The following CPLX2 variants were observed in gnomAD, a reference collection of about 807,000 sequenced individuals.
CPLX2 encodes the protein complexin-2.
Under a neutral mutation model 16.3 loss-of-function variants are expected in CPLX2, and 5 were observed. The ratio of observed to expected loss-of-function variants is 0.31; its 90% CI spans 0.16 to 0.64. The LOEUF is 0.64. CPLX2 is among the 30% of genes least tolerant of loss of function. The pLI is 0.79. For missense variants in CPLX2, 144 were observed against 181.4 expected, an observed-to-expected ratio of 0.79 and a Z score of 1.18; for synonymous variants, 89 against 73.2, an observed-to-expected ratio of 1.22 and a Z score of -1.10.
intron 2 of CPLX2, among the ~76,000 whole-genome samples, chr5:175,858,799 A>G (rs1337041281): frequency 6.6e-6 from 1 of 152,198 alleles, no homozygotes; most frequent in Non-Finnish European, 1.5e-5. Flanking sequence ...CCCTGCCAGT[A>G]CCTCTTTGAT....
chr5:175,832,478 C>G (rs1290885652), intron 2 of CPLX2, among the ~76,000 whole-genome samples: 1 of 152,214 alleles, frequency 6.6e-6, no homozygotes, highest in Non-Finnish European at 1.5e-5. Context: ...CAACCAGAAA[C>G]ATGGGCGTTG....
At position 175,802,823 on chromosome 5, in the gene CPLX2, C is replaced by CT. The variant is rs371097712; in HGVS notation, c.-169+6048dup. On this transcript the variant is annotated intron_variant, in intron 1 of 4. Transcript: ENST00000359546. ...ACAAATGTGCTTCCTTCCTTCCTTT[C>CT]TTTTTTTTTATTTTCCTTTTTTTTT... Among the ~76,000 whole-genome samples, 572 of 151,512 alleles carry CT rather than the reference C, an allele frequency of 3.8e-3. 5 individuals are homozygous for CT. Among genetic ancestry groups the CT allele is most frequent in the South Asian group, 0.026 (123 of 4,780 alleles).
intron 1 of CPLX2, among the ~76,000 whole-genome samples, chr5:175,808,722 A>T (rs998484017): frequency 2.0e-5 from 3 of 152,204 alleles, no homozygotes; most frequent in Non-Finnish European, 4.4e-5. Flanking sequence ...CTACCACCAA[A>T]GTACGGTCAA....
chr5:175,809,098 G>C lies in CPLX2; in HGVS notation c.-89+30G>C, dbSNP rs1158069336. 1 of 152,290 alleles carries C rather than the reference G, an allele frequency of 6.6e-6. No homozygotes were observed. The highest frequency in any genetic ancestry group is 6.5e-5 in the Admixed American group (1 of 15,282). 9.4% of individuals were successfully genotyped at this position (152,290 alleles called of 1,614,324 possible). A position where few individuals can be genotyped will look rare whatever the true frequency, so the allele number is the denominator to read the frequency against. ...GGGCACTGCTCAGCACTAAAGCCCT[G>C]GATAGTGTTCAGGGCATCCCCTCAT... On this transcript the variant is annotated intron_variant, in intron 2 of 4. Coordinates refer to the CPLX2 transcript ENST00000359546. The surrounding 1 kb of genome is among the most constrained non-coding windows in gnomAD (Gnocchi z 4.4).
At chr5:175,798,374 T>C (rs1243162722) in intron 1 of CPLX2, among the ~76,000 whole-genome samples, 1 of 152,234 alleles carries the variant, frequency 6.6e-6, no homozygotes, top group Non-Finnish European at 1.5e-5. Flanking sequence ...TACCAGGCAC[T>C]GGCTGTGCAC....
intron 2 of CPLX2, among the ~76,000 whole-genome samples, chr5:175,822,243 C>G (rs992608729): frequency 6.6e-6 from 1 of 152,154 alleles, no homozygotes; most frequent in African/African-American, 2.4e-5. Flanking sequence ...GTTTTGTCCT[C>G]AATTTCGTTT....
intron 1 of CPLX2, among the ~76,000 whole-genome samples, chr5:175,804,105 A>C (rs943995812): frequency 1.3e-5 from 2 of 152,226 alleles, no homozygotes; most frequent in African/African-American, 4.8e-5. Context: ...ATGCAAAAAA[A>C]CCGTGATGAA....
At chr5:175,836,122 G>T (rs113127428) in intron 2 of CPLX2, among the ~76,000 whole-genome samples, 1 of 152,092 alleles carries the variant, frequency 6.6e-6, no homozygotes, top group Non-Finnish European at 1.5e-5. Context: ...AGGCCAAGGC[G>T]GGCAGATCAC....
rs1759033630 is a variant in CPLX2, at chr5:175,845,840, GA to G, written c.-88-32810del. On this transcript the variant is annotated intron_variant, in intron 2 of 4. Coordinates refer to the CPLX2 transcript ENST00000359546. This position sits in a 1 kb window ranked among gnomAD's most constrained non-coding sequence, Gnocchi z 4.0. ...CTGCTAAGGGCAAAGTTTTCTCCTA[GA>G]ATCCCAGGACTTTGAGGGAAACCCA... is the stretch of plus-strand genomic sequence containing the variant. Among the ~76,000 whole-genome samples, 3 of 152,130 alleles carry G rather than the reference GA, an allele frequency of 2.0e-5. No individual in the cohort carries two copies. The highest frequency in any genetic ancestry group is 7.2e-5 in the African/African-American group (3 of 41,426).
upstream of CPLX2, chr5:175,871,429 GAGACAGAGAGAGAGAGAGAGAGAGAGAGA>G: frequency 1.1e-5 from 1 of 91,310 alleles, no homozygotes; most frequent in Non-Finnish European, 2.3e-5. Flanking sequence ...GAGAGAGAGA[GAGACAGAGAGAGAGAGAGAGAGAGAGAGA>G]GAGAGAGAGA....
intron 2 of CPLX2, among the ~76,000 whole-genome samples, chr5:175,857,021 G>C (rs941059313): frequency 7.2e-5 from 11 of 152,122 alleles, no homozygotes; most frequent in Non-Finnish European, 1.6e-4. Context: ...ACTGAACTAG[G>C]GACTCATGAC....
chr5:175,848,236 C>T (rs1759087164), intron 2 of CPLX2, among the ~76,000 whole-genome samples: 1 of 152,084 alleles, frequency 6.6e-6, no homozygotes, highest in Admixed American at 6.5e-5. Flanking sequence ...GAAGGAGTGT[C>T]CCCAGCATGT....
chr5:175,814,315 G>T (rs894717998), intron 2 of CPLX2, among the ~76,000 whole-genome samples: 3 of 152,238 alleles, frequency 2.0e-5, no homozygotes, highest in African/African-American at 7.2e-5. Context: ...TGCCTGAGCC[G>T]GGAGTGCAGA....
chr5:175,797,641 AG>A (rs1188642071), intron 1 of CPLX2, among the ~76,000 whole-genome samples: 1 of 151,946 alleles, frequency 6.6e-6, no homozygotes, highest in Non-Finnish European at 1.5e-5. Flanking sequence ...CCGTAGGGGG[AG>A]GGGGCTGAGA....
At chr5:175,850,969 G>C (rs1759139411) in intron 2 of CPLX2, among the ~76,000 whole-genome samples, 1 of 49,902 alleles carries the variant, frequency 2.0e-5, no homozygotes, top group Non-Finnish European at 3.8e-5. Flanking sequence ...TAGGGGCAGA[G>C]AGACGAGATC....
upstream of CPLX2, among the ~76,000 whole-genome samples, chr5:175,870,908 G>A (rs1372422718): frequency 6.6e-6 from 1 of 152,134 alleles, no homozygotes; most frequent in East Asian, 1.9e-4. Flanking sequence ...TTGCCCACAC[G>A]CTCCATCAGT....
intron 2 of CPLX2, among the ~76,000 whole-genome samples, chr5:175,820,859 T>TC (rs1758494147): frequency 6.6e-6 from 1 of 151,970 alleles, no homozygotes; most frequent in Non-Finnish European, 1.5e-5. Flanking sequence ...AGGATGCCTT[T>TC]GGATGGTGCT....
At chr5:175,856,218 AG>A (rs1463230082) in intron 2 of CPLX2, among the ~76,000 whole-genome samples, 4 of 152,182 alleles carry the variant, frequency 2.6e-5, no homozygotes, top group Non-Finnish European at 5.9e-5. Flanking sequence ...TTACCTCATA[AG>A]GTGGTTGTGT....
At chr5:175,879,149 C>T (rs1010806285) in intron 3 of CPLX2, 66 bp downstream of exon 3, 3 of 1,477,416 alleles carry the variant, frequency 2.0e-6, no homozygotes, top group Non-Finnish European at 2.7e-6. Flanking sequence ...CCAGCTAAAG[C>T]CCCTGCTGGG....
Sources: allele counts gnomAD v4.1 joint callset (sites outside exome capture counted in the v4.1 genomes callset), GRCh38; gene constraint gnomAD v4.1.1; non-coding constraint Gnocchi (gnomAD v3.1); transcripts MANE v1.5; gene names NCBI Gene and HGNC (gene_info 2026-07-23, HGNC 2026-07-21).